TNN: variants seen among roughly 807,000 people sequenced by gnomAD.
TNN encodes tenascin-N.
TNN carries 122 observed loss-of-function variants against 134.4 expected under a neutral mutation model. The ratio of observed to expected loss-of-function variants is 0.91; its 90% CI spans 0.78 to 1.06. TNN has a LOEUF of 1.06. TNN is among the 50% of genes least tolerant of loss of function. The pLI is 0.00. For missense variants in TNN, 1,739 were observed against 1,699.4 expected (o/e 1.02, Z -0.41); for synonymous variants, 710 against 670.3 (o/e 1.06, Z -0.91).
At position 175,136,671 on chromosome 1, in the gene TNN, CA is replaced by C. The variant is rs1340205222; in HGVS notation, c.3428-146del. 4.3e-6 allele frequency: 3 copies of C among 702,750 alleles called. No homozygotes were observed. In the African/African-American group the frequency reaches 5.4e-5, roughly 13 times the overall value. 43.5% of individuals were successfully genotyped at this position (702,750 alleles called of 1,614,324 possible). On this transcript the variant is annotated intron_variant, in intron 16 of 18. Coordinates refer to ENST00000239462, the MANE Select transcript of TNN (RefSeq NM_022093.2). ...ACTCCTTAGTGTGACTATGAGCCCCCAAAAGAGAAAGTGCTGAGACTGCCCC... is the reference window on the plus strand; with the variant it reads ...ACTCCTTAGTGTGACTATGAGCCCCCAAAGAGAAAGTGCTGAGACTGCCCC...
intron 9 of TNN, among the ~76,000 whole-genome samples, chr1:175,100,502 A>G (rs928184916): frequency 6.6e-6 from 1 of 152,180 alleles, no homozygotes; most frequent in African/African-American, 2.4e-5. Flanking sequence ...AATGTCTTTT[A>G]TAGGGCGAAA....
intron 15 of TNN, among the ~76,000 whole-genome samples, chr1:175,134,078 C>T (rs1238070332): frequency 2.0e-5 from 3 of 152,176 alleles, no homozygotes; most frequent in Non-Finnish European, 4.4e-5. Context: ...GGAAAGTGAA[C>T]TGAGACTCAG....
chr1:175,092,303 T>G (rs1250567138), intron 6 of TNN, among the ~76,000 whole-genome samples: 3 of 152,194 alleles, frequency 2.0e-5, no homozygotes, highest in African/African-American at 7.2e-5. Context: ...TACAGCCTGC[T>G]GGAGCCTCCA....
rs1674254549 is a variant in TNN at position 175,083,739 on chromosome 1, C to T, written c.1049-11C>T. The T allele has an allele frequency of 4.3e-6, 7 of 1,612,656 alleles. No individual in the cohort carries two copies. Among genetic ancestry groups the T allele is most frequent in the African/African-American group, 1.3e-5 (1 of 74,892 alleles). On this transcript the variant is annotated splice_polypyrimidine_tract_variant and intron_variant, in intron 4 of 18. Transcript: ENST00000239462. ...CACCACTTTCTCTTGCCTCCGTCACCCCTGCCCTAGACCTTGCTGTGCTTG... is the reference window on the plus strand; with the variant it reads ...CACCACTTTCTCTTGCCTCCGTCACTCCTGCCCTAGACCTTGCTGTGCTTG...
intron 11 of TNN, among the ~76,000 whole-genome samples, chr1:175,122,435 G>C (rs985745507): frequency 3.3e-5 from 5 of 152,202 alleles, no homozygotes; most frequent in Admixed American, 3.3e-4. Flanking sequence ...GGGAGCTTTG[G>C]GTGCTCCAGT....
At chr1:175,141,039 G>A (rs1675934087) in intron 17 of TNN, among the ~76,000 whole-genome samples, 1 of 152,192 alleles carries the variant, frequency 6.6e-6, no homozygotes, top group Non-Finnish European at 1.5e-5. Flanking sequence ...AGCCTGGCAG[G>A]AATGTGTGGC....
At chr1:175,143,736 G>A (rs1675991832) in intron 17 of TNN, among the ~76,000 whole-genome samples, 1 of 152,174 alleles carries the variant, frequency 6.6e-6, no homozygotes. Flanking sequence ...CAACCTACAG[G>A]CCTGCAAGGC....
intron 1 of TNN, among the ~76,000 whole-genome samples, chr1:175,072,981 T>C (rs1259540442): frequency 5.8e-5 from 6 of 103,258 alleles, no homozygotes; most frequent in Non-Finnish European, 8.8e-5. Context: ...CAGAAAACCA[T>C]CTGCACTTCA....
At chr1:175,146,076 G>A (rs149744688) in intron 18 of TNN, among the ~76,000 whole-genome samples, 111 of 152,230 alleles carry the variant, frequency 7.3e-4, no homozygotes, top group African/African-American at 2.6e-3. Context: ...CAGTCTTCGG[G>A]ACTCCCAATC....
At chr1:175,123,918 T>G (rs1308927344) in intron 12 of TNN, among the ~76,000 whole-genome samples, 1 of 152,122 alleles carries the variant, frequency 6.6e-6, no homozygotes, top group Non-Finnish European at 1.5e-5. Context: ...GCGCTCAGAA[T>G]CTCCACACTT....
rs773519146 is a variant in TNN at position 175,077,535 on chromosome 1, G to A, written c.117G>A (p.Gln39=). 6.2e-7 allele frequency: 1 copy of A among 1,614,142 alleles called. No homozygotes were observed. The highest frequency in any genetic ancestry group is 8.5e-7 in the Non-Finnish European group (1 of 1,180,036). The change falls in exon 2 of 19, where the codon CAG becomes CAA. Residue 39 remains glutamine (Q), a synonymous_variant. Transcript: ENST00000239462. The part of the protein sequence containing the change: ...EPPGCSNKEQ[Q]VTVSHTYKID... The stretch of plus-strand genomic sequence containing the variant: ...CCGGCTGCAGCAACAAGGAGCAACA[G>A]GTCACTGTCAGCCACACCTACAAGA...
intron 12 of TNN, 57 bp from the exon 13 acceptor site, chr1:175,126,898 A>G: frequency 6.5e-7 from 1 of 1,548,332 alleles, no homozygotes; most frequent in Middle Eastern, 1.7e-4. Context: ...TGTCTCAAAA[A>G]TTACCTTGCC....
Position 175,098,428 on chromosome 1 carries a change from TG to T in TNN, c.1954del (p.Val652CysfsTer24), listed in dbSNP as rs1378213677. On this transcript the variant is annotated frameshift_variant, in exon 9 of 19. Coordinates refer to ENST00000239462, the MANE Select transcript of TNN (RefSeq NM_022093.2). LOFTEE classifies it high-confidence loss of function. The part of the protein sequence containing the change: ...DPVQAAIDKY[V>X]VRYTSAGGET... ...GTGCAGGCCGCCATTGACAAGTACG[TG>T]GTGCGCTACACCTCTGCTGGTGGAG... is the stretch of plus-strand genomic sequence containing the variant. 7 of 1,613,896 alleles carry T rather than the reference TG, an allele frequency of 4.3e-6. No homozygotes were observed. The Admixed American group carries it at 1.2e-4, about 27-fold the overall frequency.
chr1:175,093,770 G>A (rs1266863627), intron 6 of TNN, among the ~76,000 whole-genome samples: 3 of 152,138 alleles, frequency 2.0e-5, no homozygotes, highest in Non-Finnish European at 4.4e-5. Context: ...GTCTGCAAAT[G>A]GAAAATGGAA....
chr1:175,098,401 C>T lies in TNN; in HGVS notation c.1925C>T (p.Pro642Leu), dbSNP rs778962849. Residue 642 changes from proline (P) to leucine (L), a missense_variant, in exon 9 of 19, where the codon CCG becomes CTG. Pro to Leu is a moderately conservative substitution (Grantham distance 98, BLOSUM62 -3). Transcript: ENST00000239462. ...AATATGGCCACGGTCTCCTGGGACC[C>T]GGTGCAGGCCGCCATTGACAAGTAC... ...TENMATVSWDPVQAAIDKYVV... is the reference protein window; with the variant it reads ...TENMATVSWDLVQAAIDKYVV... 2.8e-5 allele frequency: 46 copies of T among 1,614,058 alleles called. No homozygotes were observed. The highest frequency in any genetic ancestry group is 2.7e-4 in the Admixed American group (16 of 60,002).
At position 175,121,573 on chromosome 1, in the gene TNN, G is replaced by T. The variant is rs139850774; in HGVS notation, c.2651-1827G>T. Among the ~76,000 whole-genome samples the T allele has an allele frequency of 4.7e-4, 71 of 152,316 alleles. No homozygotes were observed. In the East Asian group the frequency reaches 0.013, roughly 29 times the overall value. ...GAGAATAAATGGAGAAAATGACAAGGATAGAAGTTGGGAGGTTCGTAGGGA... is the reference window on the plus strand; with the variant it reads ...GAGAATAAATGGAGAAAATGACAAGTATAGAAGTTGGGAGGTTCGTAGGGA... On this transcript the variant is annotated intron_variant, in intron 11 of 18. Coordinates refer to ENST00000239462, the MANE Select transcript of TNN (RefSeq NM_022093.2).
At chr1:175,106,514 A>T (rs138809083) in intron 9 of TNN, among the ~76,000 whole-genome samples, 4,222 of 145,870 alleles carry the variant, frequency 0.029, 453 homozygotes, top group African/African-American at 0.097. Flanking sequence ...CCTGGAGTTT[A>T]TACTAGAAAT....
At chr1:175,138,379 G>GT (rs1458132728) in intron 17 of TNN, among the ~76,000 whole-genome samples, 1 of 152,146 alleles carries the variant, frequency 6.6e-6, no homozygotes. Context: ...TCTTAGGGAT[G>GT]TTTAGTATCT....
rs566244476 is a variant in TNN, at chr1:175,094,373, G to T, written c.1588+120G>T. ...TTTTGTTTGCAGGAGTGGGGAGGAGGTTGCAAAACCAATTTTGATTTTCAT... is the reference window on the plus strand; with the variant it reads ...TTTTGTTTGCAGGAGTGGGGAGGAGTTTGCAAAACCAATTTTGATTTTCAT... On this transcript the variant is annotated intron_variant, in intron 7 of 18. Transcript: ENST00000239462. 5 of 957,282 alleles carry T rather than the reference G, an allele frequency of 5.2e-6. No homozygotes were observed. In the South Asian group the frequency reaches 1.3e-4, roughly 25 times the overall value. The allele number at this position is 957,282 out of a possible 1,614,324, so 59.3% of individuals were successfully genotyped here.
Sources: allele counts gnomAD v4.1 joint callset (sites outside exome capture counted in the v4.1 genomes callset), GRCh38; gene constraint gnomAD v4.1.1; transcripts MANE v1.5; gene names NCBI Gene and HGNC (gene_info 2026-07-23, HGNC 2026-07-21).